ENPP6: variants seen among roughly 807,000 people sequenced by gnomAD.
ENPP6 encodes the protein glycerophosphocholine cholinephosphodiesterase ENPP6.
Under a neutral mutation model 42.0 loss-of-function variants are expected in ENPP6, and 32 were observed. The observed-to-expected ratio is 0.76, with a 90% CI of 0.58 to 1.02. The LOEUF is 1.02. Ranked by LOEUF, ENPP6 falls within the 50% of genes least tolerant of loss-of-function variation. The pLI, the probability that ENPP6 is intolerant of heterozygous loss-of-function variation, is 0.00. For missense variants in ENPP6, 552 were observed against 566.8 expected (o/e 0.97, Z 0.27); for synonymous variants, 213 against 216.0 (o/e 0.99, Z 0.12).
chr4:184,117,339 A>G (rs894964540), intron 4 of ENPP6, among the ~76,000 whole-genome samples: 2 of 152,220 alleles, frequency 1.3e-5, no homozygotes, highest in African/African-American at 4.8e-5. Flanking sequence ...TTTGAGAACT[A>G]TCACGTGCCC....
chr4:184,166,603 G>A (rs1007312432), intron 1 of ENPP6, among the ~76,000 whole-genome samples: 15 of 152,172 alleles, frequency 9.9e-5, no homozygotes, highest in Non-Finnish European at 1.6e-4. Context: ...CATCTTCACC[G>A]CTGTGCAAAG....
intron 2 of ENPP6, among the ~76,000 whole-genome samples, chr4:184,137,179 C>G (rs972733508): frequency 1.3e-5 from 2 of 152,230 alleles, no homozygotes; most frequent in Non-Finnish European, 2.9e-5. Flanking sequence ...TCACTGCAAC[C>G]TCCGCCTTCC....
chr4:184,162,596 G>A (rs951273127), intron 1 of ENPP6, among the ~76,000 whole-genome samples: 2 of 151,726 alleles, frequency 1.3e-5, no homozygotes, highest in African/African-American at 4.8e-5. Context: ...AGAGAGGGAG[G>A]GAGGGAATGA....
chr4:184,118,009 C>T, intron 3 of ENPP6, 109 bp from the exon 4 acceptor site: 1 of 1,396,058 alleles, frequency 7.2e-7, no homozygotes, highest in South Asian at 1.5e-5. Flanking sequence ...GAAACCTTGT[C>T]CCTGGGCCAG....
intron 1 of ENPP6, among the ~76,000 whole-genome samples, chr4:184,171,784 T>C (rs566994142): frequency 1.9e-5 from 2 of 105,410 alleles, no homozygotes; most frequent in Admixed American, 1.3e-4. Flanking sequence ...TACAAACACA[T>C]TGATTTTTTT....
intron 2 of ENPP6, among the ~76,000 whole-genome samples, chr4:184,141,020 C>T (rs567868804): frequency 2.9e-4 from 28 of 97,138 alleles, no homozygotes; most frequent in East Asian, 8.2e-4. Flanking sequence ...CCAGAATCTA[C>T]AATGAACTCA....
chr4:184,121,883 A>G (rs1402538099), intron 3 of ENPP6, among the ~76,000 whole-genome samples: 1 of 152,216 alleles, frequency 6.6e-6, no homozygotes, highest in Non-Finnish European at 1.5e-5. Context: ...TATTCTTTGT[A>G]AGAAGGTGAT....
intron 1 of ENPP6, among the ~76,000 whole-genome samples, chr4:184,205,564 T>C (rs1468925129): frequency 6.6e-6 from 1 of 152,236 alleles, no homozygotes; most frequent in Non-Finnish European, 1.5e-5. Context: ...TAGATTCCAC[T>C]TGGGGTACAA....
At chr4:184,097,991 GGGCGTGC>G (rs916340528) in intron 6 of ENPP6, among the ~76,000 whole-genome samples, 3 of 152,222 alleles carry the variant, frequency 2.0e-5, no homozygotes, top group African/African-American at 7.2e-5. Context: ...GAAGCCCACG[GGGCGTGC>G]GGTTCCGGAG....
rs1737531558 is a variant in ENPP6 at position 184,174,629 on chromosome 4, T to TA, written c.242-20897dup. ...ACAGGTGAAGTAAACTCTCCAAATG[T>TA]ACCCTGCCAGTATGTGTCAGAACCA... On this transcript the variant is annotated intron_variant, in intron 1 of 7. Coordinates refer to ENST00000296741, the MANE Select transcript of ENPP6 (RefSeq NM_153343.4). 1.2e-3 allele frequency among the ~76,000 whole-genome samples: 10 copies of TA among 8,602 alleles called. No homozygotes were observed. In the South Asian group the frequency reaches 0.091, roughly 78 times the overall value. 5.6% of individuals were successfully genotyped at this position (8,602 alleles called of 152,430 possible).
intron 7 of ENPP6, among the ~76,000 whole-genome samples, chr4:184,093,528 A>G (rs746299186): frequency 6.6e-6 from 1 of 151,776 alleles, no homozygotes; most frequent in Non-Finnish European, 1.5e-5. Flanking sequence ...AATCTCAGCT[A>G]CTCAGGAGGC....
chr4:184,097,821 G>C (rs1735937535), intron 6 of ENPP6, among the ~76,000 whole-genome samples: 1 of 152,202 alleles, frequency 6.6e-6, no homozygotes, highest in African/African-American at 2.4e-5. Context: ...CTGAGTTAAT[G>C]CTACTGAGAG....
intron 1 of ENPP6, among the ~76,000 whole-genome samples, chr4:184,178,364 G>A (rs1732488046): frequency 6.6e-6 from 1 of 152,090 alleles, no homozygotes; most frequent in Admixed American, 6.5e-5. Flanking sequence ...GAGAACTATG[G>A]GATTAGGTAA....
At chr4:184,214,803 G>A (rs1393480603) in intron 1 of ENPP6, among the ~76,000 whole-genome samples, 1 of 152,168 alleles carries the variant, frequency 6.6e-6, no homozygotes, top group Non-Finnish European at 1.5e-5. Flanking sequence ...GACACAGGGA[G>A]GGGGACATCA....
intron 1 of ENPP6, among the ~76,000 whole-genome samples, chr4:184,170,628 G>A (rs1472347962): frequency 1.3e-5 from 2 of 152,070 alleles, no homozygotes; most frequent in Non-Finnish European, 2.9e-5. Flanking sequence ...TTGTATCCTC[G>A]TGGTGCCATT....
chr4:184,194,157 G>A (rs1732756375), intron 1 of ENPP6, among the ~76,000 whole-genome samples: 1 of 152,114 alleles, frequency 6.6e-6, no homozygotes, highest in Admixed American at 6.5e-5. Flanking sequence ...CCACTCCTCG[G>A]TCAGCATCTC....
At chr4:184,113,894 C>CT (rs1579615121) in intron 5 of ENPP6, among the ~76,000 whole-genome samples, 3 of 148,358 alleles carry the variant, frequency 2.0e-5, no homozygotes, top group African/African-American at 5.0e-5. Flanking sequence ...TCCTTCCTTT[C>CT]TTTCTTTTCT....
chr4:184,147,083 T>C (rs1367799455), intron 2 of ENPP6, among the ~76,000 whole-genome samples: 4 of 152,176 alleles, frequency 2.6e-5, no homozygotes, highest in African/African-American at 9.7e-5. Context: ...TCCGAATTGA[T>C]GTCCCTCTGC....
At chr4:184,196,672 G>A (rs1030987835) in intron 1 of ENPP6, among the ~76,000 whole-genome samples, 3 of 152,250 alleles carry the variant, frequency 2.0e-5, no homozygotes, top group Admixed American at 6.5e-5. Context: ...GGCTTGGGCT[G>A]TGGGTGTGGT....
Sources: allele counts gnomAD v4.1 joint callset (sites outside exome capture counted in the v4.1 genomes callset), GRCh38; gene constraint gnomAD v4.1.1; transcripts MANE v1.5; gene names NCBI Gene and HGNC (gene_info 2026-07-23, HGNC 2026-07-21).